NIPA1: variants seen among roughly 807,000 people sequenced by gnomAD.
The protein encoded by NIPA1 is NIPA magnesium transporter 1.
A neutral mutation model predicts 23.9 loss-of-function variants in NIPA1; 13 were observed. The observed-to-expected ratio is 0.54, with a 90% CI of 0.35 to 0.87. The LOEUF (loss-of-function observed/expected upper bound fraction) is 0.87, where lower values mean the gene tolerates loss of function less well. Among genes scored for constraint, NIPA1 ranks in the 40% least tolerant of loss-of-function variants. The pLI is 0.01. For missense variants in NIPA1, 362 were observed against 429.7 expected, an observed-to-expected ratio of 0.84 and a Z score of 1.39; for synonymous variants, 234 against 202.9, an observed-to-expected ratio of 1.15 and a Z score of -1.30.
chr15:22,799,146 T>C (rs1195757866), intron 1 of NIPA1, among the ~76,000 whole-genome samples: 1 of 152,192 alleles, frequency 6.6e-6, no homozygotes, highest in Non-Finnish European at 1.5e-5. Context: ...ACTGTGGCAC[T>C]ACTTACAATA....
chr15:22,797,945 T>C (rs1894976800), intron 1 of NIPA1, among the ~76,000 whole-genome samples: 1 of 149,086 alleles, frequency 6.7e-6, no homozygotes, highest in Non-Finnish European at 1.5e-5. Context: ...CCTGGGTTCA[T>C]GCCATTCTCC....
chr15:22,825,576 A>AT lies in NIPA1; in HGVS notation c.*1339dup, dbSNP rs1422125769. 1 of 152,144 alleles carries AT rather than the reference A, an allele frequency of 6.6e-6. No homozygotes were observed. The highest frequency in any genetic ancestry group is 1.5e-5 in the Non-Finnish European group (1 of 68,052). 9.4% of individuals were successfully genotyped at this position (152,144 alleles called of 1,614,324 possible). A position where few individuals can be genotyped will look rare whatever the true frequency, so the allele number is the denominator to read the frequency against. ...ATTCATGGCCATTCAGAAGAAATAA[A>AT]TTAGGTAACTTGATAATAAGGCTAA... On this transcript the variant is annotated 3_prime_UTR_variant, in exon 5 of 5. Coordinates refer to ENST00000337435, the MANE Select transcript of NIPA1 (RefSeq NM_144599.5).
rs1895618951 is a variant in NIPA1 at position 22,824,917 on chromosome 15, ATTAAC to A, written c.*683_*687del. On this transcript the variant is annotated 3_prime_UTR_variant, in exon 5 of 5. Coordinates refer to ENST00000337435, the MANE Select transcript of NIPA1 (RefSeq NM_144599.5). The surrounding 1 kb of genome is among the most constrained non-coding windows in gnomAD (Gnocchi z 4.1). ...TTTCAGTGCCTTTATCACTTGAATTATTAACTTAATTTGACTCTTAATGTGTATAT... is the reference window on the plus strand; with the variant it reads ...TTTCAGTGCCTTTATCACTTGAATTATTAATTTGACTCTTAATGTGTATAT... The A allele has an allele frequency of 6.5e-6, 1 of 152,912 alleles. No individual in the cohort carries two copies. The highest frequency in any genetic ancestry group is 2.4e-5 in the African/African-American group (1 of 41,370). 9.5% of individuals were successfully genotyped at this position (152,912 alleles called of 1,614,324 possible). A position where few individuals can be genotyped will look rare whatever the true frequency, so the allele number is the denominator to read the frequency against.
At chr15:22,815,693 T>C (rs1895401719) in intron 3 of NIPA1, among the ~76,000 whole-genome samples, 1 of 148,252 alleles carries the variant, frequency 6.7e-6, no homozygotes, top group African/African-American at 2.5e-5. Flanking sequence ...CTTATGAATA[T>C]AGATGGAGAA....
chr15:22,786,779 G>A lies in NIPA1; in HGVS notation c.123G>A (p.Val41=). 3 of 1,318,552 alleles carry A rather than the reference G, an allele frequency of 2.3e-6. No individual in the cohort carries two copies. Among genetic ancestry groups the A allele is most frequent in the Non-Finnish European group, 3.0e-6 (3 of 1,012,684 alleles). 81.7% of individuals were successfully genotyped at this position (1,318,552 alleles called of 1,614,324 possible). A position where few individuals can be genotyped will look rare whatever the true frequency, so the allele number is the denominator to read the frequency against. Residue 41 remains valine (V), a synonymous_variant, in exon 1 of 5, where the codon GTG becomes GTA. Coordinates refer to ENST00000337435, the MANE Select transcript of NIPA1 (RefSeq NM_144599.5). The stretch of plus-strand genomic sequence containing the variant: ...GCGTGGCCGTCGTGTCGAGCCTGGT[G>A]AACGGGTCCACGTTCGTGCTACAGA... ...GLGVAVVSSL[V]NGSTFVLQKK...
intron 1 of NIPA1, among the ~76,000 whole-genome samples, chr15:22,794,067 A>G (rs986710793): frequency 4.0e-5 from 6 of 149,612 alleles, no homozygotes; most frequent in African/African-American, 1.5e-4. Flanking sequence ...TTGGCTTCAT[A>G]TGAATTTTTT....
At chr15:22,798,143 G>A (rs1894981698) in intron 1 of NIPA1, among the ~76,000 whole-genome samples, 1 of 151,798 alleles carries the variant, frequency 6.6e-6, no homozygotes, top group South Asian at 2.1e-4. Flanking sequence ...CACCGCGCCC[G>A]GCCTCAAAAC....
chr15:22,823,360 G>A (rs564846865), intron 4 of NIPA1, among the ~76,000 whole-genome samples: 278 of 151,742 alleles, frequency 1.8e-3, no homozygotes, highest in African/African-American at 5.6e-3. Context: ...GATTACAGGC[G>A]CGCTGTAATT....
In NIPA1 at chr15:22,828,598, G is replaced by A. The variant is rs1198702412; in HGVS notation, c.*4359G>A. Reference sequence around the variant, plus strand: ...CAACATAATTATATTTTAAGAAAATGTAACTTTGTTACATCAAAATATGTT... The same window carrying A: ...CAACATAATTATATTTTAAGAAAATATAACTTTGTTACATCAAAATATGTT... On this transcript the variant is annotated 3_prime_UTR_variant, in exon 5 of 5. Coordinates refer to ENST00000337435, the MANE Select transcript of NIPA1 (RefSeq NM_144599.5). 6.6e-6 allele frequency: 1 copy of A among 152,556 alleles called. No individual in the cohort carries two copies. The highest frequency in any genetic ancestry group is 1.9e-4 in the East Asian group (1 of 5,192). The allele number at this position is 152,556 out of a possible 1,614,324, so 9.5% of individuals were successfully genotyped here.
In NIPA1 at chr15:22,810,814, C is replaced by G. The variant is rs371061586; in HGVS notation, c.226+18C>G. The G allele has an allele frequency of 2.5e-6, 4 of 1,592,980 alleles. No individual in the cohort carries two copies. The South Asian group carries it at 4.4e-5, about 18-fold the overall frequency. ...AATCGCAAGTAAGTAGCCTGTGTGGCGAAGTCTGGTCTTTTCCTTTCTTAG... is the reference window on the plus strand; with the variant it reads ...AATCGCAAGTAAGTAGCCTGTGTGGGGAAGTCTGGTCTTTTCCTTTCTTAG... On this transcript the variant is annotated intron_variant, in intron 2 of 4. Transcript: ENST00000337435.
Position 22,828,074 on chromosome 15 carries a change from A to T in NIPA1, c.*3835A>T, listed in dbSNP as rs1452777648. ...CAGTGTAAGGTCTGTTCCCGACAGC[A>T]TGGATTAGCTTCCGTGTTCTGAAGT... On this transcript the variant is annotated 3_prime_UTR_variant, in exon 5 of 5. Transcript: ENST00000337435. 2.0e-5 allele frequency: 3 copies of T among 152,592 alleles called. No individual in the cohort carries two copies. Among genetic ancestry groups the T allele is most frequent in the African/African-American group, 7.2e-5 (3 of 41,436 alleles). 9.5% of individuals were successfully genotyped at this position (152,592 alleles called of 1,614,324 possible). A position where few individuals can be genotyped will look rare whatever the true frequency, so the allele number is the denominator to read the frequency against.
In NIPA1 at chr15:22,827,202, A is replaced by C. The variant is rs1197996604; in HGVS notation, c.*2963A>C. 1 of 152,178 alleles carries C rather than the reference A, an allele frequency of 6.6e-6. No individual in the cohort carries two copies. The highest frequency in any genetic ancestry group is 2.4e-5 in the African/African-American group (1 of 41,430). The allele number at this position is 152,178 out of a possible 1,614,324, so 9.4% of individuals were successfully genotyped here. A position where few individuals can be genotyped will look rare whatever the true frequency, so the allele number is the denominator to read the frequency against. On this transcript the variant is annotated 3_prime_UTR_variant, in exon 5 of 5. Coordinates refer to ENST00000337435, the MANE Select transcript of NIPA1 (RefSeq NM_144599.5). ...TGCAGATTTCTCTTGATAGATACTT[A>C]AATAGGCTATTTCTCTCCTCTTCTT...
At chr15:22,788,966 C>T (rs1432201809) in intron 1 of NIPA1, among the ~76,000 whole-genome samples, 1 of 139,296 alleles carries the variant, frequency 7.2e-6, no homozygotes, top group Non-Finnish European at 1.5e-5. Flanking sequence ...TACCTATATA[C>T]TATGCTTTCA....
At chr15:22,789,355 C>G (rs1595628395) in intron 1 of NIPA1, among the ~76,000 whole-genome samples, 1 of 152,142 alleles carries the variant, frequency 6.6e-6, no homozygotes, top group Non-Finnish European at 1.5e-5. Flanking sequence ...AAGCCCCAGA[C>G]ATTGCATGGT....
chr15:22,818,464 T>C (rs1895469427), intron 3 of NIPA1, among the ~76,000 whole-genome samples: 1 of 151,466 alleles, frequency 6.6e-6, no homozygotes, highest in African/African-American at 2.4e-5. Flanking sequence ...CAGAAACTCT[T>C]ACAGTGCATC....
chr15:22,790,921 G>A (rs531503077), intron 1 of NIPA1, among the ~76,000 whole-genome samples: 21 of 152,260 alleles, frequency 1.4e-4, no homozygotes, highest in African/African-American at 1.9e-4. Context: ...GAGACCTAGC[G>A]TGACGTTCCT....
At chr15:22,814,217 G>T in intron 3 of NIPA1, 1 of 691,278 alleles carries the variant, frequency 1.4e-6, no homozygotes, top group Non-Finnish European at 2.1e-6. Context: ...AATCAAAGAT[G>T]ATTATCAAAG....
intron 1 of NIPA1, among the ~76,000 whole-genome samples, chr15:22,797,570 A>G (rs1457670760): frequency 1.6e-5 from 2 of 126,204 alleles, no homozygotes; most frequent in Non-Finnish European, 3.2e-5. Context: ...CAATGGTGCA[A>G]TCTCGGCACA....
intron 1 of NIPA1, among the ~76,000 whole-genome samples, chr15:22,788,106 G>A (rs939847230): frequency 6.6e-6 from 1 of 152,068 alleles, no homozygotes; most frequent in South Asian, 2.1e-4. Flanking sequence ...GATGGTCAAC[G>A]CGCGTGACCT....
Sources: allele counts gnomAD v4.1 joint callset (sites outside exome capture counted in the v4.1 genomes callset), GRCh38; gene constraint gnomAD v4.1.1; non-coding constraint Gnocchi (gnomAD v3.1); transcripts MANE v1.5; gene names NCBI Gene and HGNC (gene_info 2026-07-23, HGNC 2026-07-21).